SV2C: variants seen among roughly 807,000 people sequenced by gnomAD.
SV2C encodes synaptic vesicle glycoprotein 2C.
SV2C carries 49 observed loss-of-function variants against 79.7 expected under a neutral mutation model. That is an observed-to-expected ratio of 0.61 (90% CI 0.49 to 0.78). SV2C has a LOEUF of 0.78. Ranked by LOEUF, SV2C falls within the 30% of genes least tolerant of loss-of-function variation. The probability of loss-of-function intolerance (pLI) is 0.00; values close to 1 mark genes in which losing one functional copy is unlikely to be tolerated. For missense variants in SV2C, 833 were observed against 912.9 expected (o/e 0.91, Z 1.13); for synonymous variants, 334 against 333.2 (o/e 1.00, Z -0.03).
chr5:75,927,622 A>G, the SV2C span, among the ~76,000 whole-genome samples: 10 of 152,322 alleles, frequency 6.6e-5, no homozygotes, highest in East Asian at 1.9e-3. Flanking sequence ...ATACTTCTAA[A>G]TGGAAGAGGA....
chr5:76,303,066 A>G (rs1383171705), intron 12 of SV2C, among the ~76,000 whole-genome samples: 1 of 152,184 alleles, frequency 6.6e-6, no homozygotes, highest in Non-Finnish European at 1.5e-5. Flanking sequence ...CTGAGCTTGC[A>G]GAACCCTGTA....
intron 12 of SV2C, among the ~76,000 whole-genome samples, chr5:76,345,903 A>G (rs865847363): frequency 1.9e-4 from 29 of 152,166 alleles, no homozygotes; most frequent in Admixed American, 2.0e-4. Flanking sequence ...ATCACCCTCA[A>G]CTGCCTCTCT....
At chr5:76,006,998 C>T in the SV2C span, among the ~76,000 whole-genome samples, 1 of 152,116 alleles carries the variant, frequency 6.6e-6, no homozygotes. Context: ...TTAATCCTCA[C>T]AACAACTTCA....
At chr5:75,984,658 C>G in the SV2C span, among the ~76,000 whole-genome samples, 2 of 151,618 alleles carry the variant, frequency 1.3e-5, no homozygotes, top group African/African-American at 4.9e-5. Context: ...GCATCATCAT[C>G]TATCTACCTA....
the SV2C span, among the ~76,000 whole-genome samples, chr5:76,053,161 G>A: frequency 5.3e-5 from 8 of 150,634 alleles, no homozygotes; most frequent in Non-Finnish European, 1.2e-4. Context: ...GAGCTATTGC[G>A]GATTCTAAAA....
chr5:76,156,134 T>C (rs752822572), intron 2 of SV2C, among the ~76,000 whole-genome samples: 1 of 152,036 alleles, frequency 6.6e-6, no homozygotes, highest in South Asian at 2.1e-4. Context: ...GGAAACTGTC[T>C]TTTCAAAGGA....
the SV2C span, among the ~76,000 whole-genome samples, chr5:76,070,564 C>T: frequency 6.6e-6 from 1 of 152,288 alleles, no homozygotes; most frequent in East Asian, 1.9e-4. Flanking sequence ...CTGCTCATTC[C>T]CACTTATCTT....
At chr5:76,119,819 T>G (rs1748420993) in intron 1 of SV2C, among the ~76,000 whole-genome samples, 1 of 152,174 alleles carries the variant, frequency 6.6e-6, no homozygotes, top group Admixed American at 6.5e-5. Flanking sequence ...TGTTCTGAAT[T>G]TTTTGGTCTG....
At chr5:76,144,691 A>G (rs1049752028) in intron 2 of SV2C, among the ~76,000 whole-genome samples, 1 of 152,242 alleles carries the variant, frequency 6.6e-6, no homozygotes, top group Non-Finnish European at 1.5e-5. Context: ...CCAAGAACTG[A>G]GGGCAGATGC....
chr5:76,339,867 G>T (rs10041915), intron 12 of SV2C, among the ~76,000 whole-genome samples: 55,623 of 152,080 alleles, frequency 0.37, 12,723 homozygotes, highest in Middle Eastern at 0.52. Context: ...TTGAATAGGG[G>T]CTGGGTAAAT....
chr5:76,077,544 G>A, the SV2C span, among the ~76,000 whole-genome samples: 68 of 152,324 alleles, frequency 4.5e-4, no homozygotes, highest in African/African-American at 1.6e-3. Context: ...CCCAAACTCA[G>A]TGTGGCAGCA....
At chr5:76,145,657 G>A (rs1749397668) in intron 2 of SV2C, among the ~76,000 whole-genome samples, 1 of 152,124 alleles carries the variant, frequency 6.6e-6, no homozygotes, top group African/African-American at 2.4e-5. Context: ...AGACAGAATC[G>A]ACAGGGAGAG....
At chr5:76,119,493 T>C (rs28475330) in intron 1 of SV2C, among the ~76,000 whole-genome samples, 30,905 of 151,942 alleles carry the variant, frequency 0.2, 3,489 homozygotes, top group East Asian at 0.49. Flanking sequence ...CTGGGAGCCA[T>C]ACTGCCCATT....
the SV2C span, among the ~76,000 whole-genome samples, chr5:76,015,977 TG>T: frequency 6.6e-6 from 1 of 152,132 alleles, no homozygotes; most frequent in South Asian, 2.1e-4. Context: ...CTGTATTAAA[TG>T]GGCTTTTAGA....
At chr5:75,914,788 G>A in the SV2C span, among the ~76,000 whole-genome samples, 1 of 152,304 alleles carries the variant, frequency 6.6e-6, no homozygotes, top group African/African-American at 2.4e-5. Context: ...TGCTTTACAT[G>A]AAAACTTATG....
the SV2C span, among the ~76,000 whole-genome samples, chr5:76,039,336 G>A: frequency 6.6e-6 from 1 of 152,150 alleles, no homozygotes; most frequent in Non-Finnish European, 1.5e-5. Flanking sequence ...TGACCAAGTA[G>A]GAAAACTAGG....
the SV2C span, among the ~76,000 whole-genome samples, chr5:75,897,018 T>G: frequency 6.9e-6 from 1 of 145,652 alleles, no homozygotes; most frequent in Non-Finnish European, 1.5e-5. Context: ...TTTTGTAGGT[T>G]GCCTGTTCAC....
At chr5:76,058,656 A>G in the SV2C span, among the ~76,000 whole-genome samples, 1 of 152,160 alleles carries the variant, frequency 6.6e-6, no homozygotes, top group Non-Finnish European at 1.5e-5. Flanking sequence ...ATTATTATAA[A>G]ATTAAATCTG....
intron 2 of SV2C, among the ~76,000 whole-genome samples, chr5:76,174,674 T>TA (rs570217499): frequency 6.8e-4 from 103 of 152,332 alleles, no homozygotes; most frequent in African/African-American, 2.2e-3. Flanking sequence ...GTAGCCATTT[T>TA]AAAAAATGTA....
Sources: allele counts gnomAD v4.1 joint callset (sites outside exome capture counted in the v4.1 genomes callset), GRCh38; gene constraint gnomAD v4.1.1; transcripts MANE v1.5; gene names NCBI Gene and HGNC (gene_info 2026-07-23, HGNC 2026-07-21).